Variants in VAV2 observed in about 807,000 individuals in gnomAD.
The protein encoded by VAV2 is vav guanine nucleotide exchange factor 2, also known as guanine nucleotide exchange factor VAV2.
VAV2 carries 67 observed loss-of-function variants against 132.5 expected under a neutral mutation model. The ratio of observed to expected loss-of-function variants is 0.51; its 90% CI spans 0.42 to 0.62. The LOEUF is 0.62. VAV2 is among the 20% of genes least tolerant of loss of function. VAV2 has a pLI of 0.00. For missense variants in VAV2, 938 were observed against 1,153.6 expected (o/e 0.81, Z 2.71); for synonymous variants, 492 against 443.5 (o/e 1.11, Z -1.37).
chr9:133,908,847 G>C (rs1839772962), intron 2 of VAV2, among the ~76,000 whole-genome samples: 1 of 152,236 alleles, frequency 6.6e-6, no homozygotes, highest in Admixed American at 6.5e-5. Flanking sequence ...AGCCCCTGCA[G>C]TTCTGAAAAT....
At chr9:133,777,223 C>G (rs1337471749) in intron 23 of VAV2, among the ~76,000 whole-genome samples, 166 bp downstream of exon 23, 2 of 152,166 alleles carry the variant, frequency 1.3e-5, no homozygotes, top group African/African-American at 4.8e-5. Context: ...CACAGCCCCC[C>G]ACCCATCTTC....
At chr9:133,895,025 G>C (rs1839140845) in intron 2 of VAV2, among the ~76,000 whole-genome samples, 1 of 151,930 alleles carries the variant, frequency 6.6e-6, no homozygotes, top group African/African-American at 2.4e-5. Flanking sequence ...GATCGCGTGG[G>C]GGGCGTCCGG....
intron 4 of VAV2, among the ~76,000 whole-genome samples, chr9:133,812,739 T>A (rs994918731): frequency 6.6e-6 from 1 of 152,182 alleles, no homozygotes; most frequent in Non-Finnish European, 1.5e-5. Context: ...GAGTTTGTCA[T>A]TTGCCTTCTG....
rs1369730887 is a variant in VAV2 at position 133,769,336 on chromosome 9, G to A, written c.2434+81C>T. 43 of 1,426,724 alleles carry A rather than the reference G, an allele frequency of 3.0e-5. No individual in the cohort carries two copies. In the Admixed American group the frequency reaches 8.1e-4, roughly 27 times the overall value. 88.4% of individuals were successfully genotyped at this position (1,426,724 alleles called of 1,614,324 possible). A position where few individuals can be genotyped will look rare whatever the true frequency, so the allele number is the denominator to read the frequency against. ...TGGCCACGTCAGGCAGGGCTGTGGG[G>A]CCAGTGGGCAGCTCCGTGCTGGGTC... is the stretch of plus-strand genomic sequence containing the variant. On this transcript the variant is annotated intron_variant, in intron 28 of 29. Transcript: ENST00000371850. The surrounding 1 kb of genome is among the most constrained non-coding windows in gnomAD (Gnocchi z 8.1).
At chr9:133,850,457 A>G (rs1260433951) in intron 3 of VAV2, among the ~76,000 whole-genome samples, 1 of 152,200 alleles carries the variant, frequency 6.6e-6, no homozygotes, top group East Asian at 1.9e-4. Flanking sequence ...ACAAGGCACC[A>G]ATAGAATGAG....
intron 2 of VAV2, among the ~76,000 whole-genome samples, chr9:133,916,412 C>T (rs58213861): frequency 0.07 from 10,624 of 152,236 alleles, 1,226 homozygotes; most frequent in African/African-American, 0.24. Context: ...TGGTGGGTGC[C>T]AACGAGGGCC....
chr9:133,950,511 G>A (rs897768005), intron 1 of VAV2, among the ~76,000 whole-genome samples: 12 of 152,282 alleles, frequency 7.9e-5, no homozygotes, highest in Non-Finnish European at 1.8e-4. Flanking sequence ...AAGCCAAGGC[G>A]GGGGGTATAA....
chr9:133,790,714 A>T (rs1834420821), intron 13 of VAV2, among the ~76,000 whole-genome samples: 1 of 152,058 alleles, frequency 6.6e-6, no homozygotes, highest in Non-Finnish European at 1.5e-5. Flanking sequence ...GGGCAGTATC[A>T]TAATGCCCTT....
In VAV2 at chr9:133,843,382, T is replaced by C. The variant is rs74491113; in HGVS notation, c.381-9042A>G. Among the ~76,000 whole-genome samples the C allele has an allele frequency of 8.7e-3, 1,331 of 152,288 alleles. 16 individuals are homozygous for C. Among genetic ancestry groups the C allele is most frequent in the African/African-American group, 0.031 (1,268 of 41,542 alleles). ...GACTTTGTTTGGGTTTTTTTGGTAT[T>C]TTTTTGTAGAGATGGGGTCTTGCTA... On this transcript the variant is annotated intron_variant, in intron 3 of 29. Coordinates refer to ENST00000371850, the MANE Select transcript of VAV2 (RefSeq NM_001134398.2).
rs1206334112 is a variant in VAV2, at chr9:133,795,731, A to C, written c.1038T>G (p.Leu346=). Residue 346 remains leucine, a synonymous_variant, in exon 12 of 30, where the codon CTT becomes CTG. Transcript: ENST00000371850. ...VLKYHLLLKE[L]LSHSAERPER... Reference sequence around the variant, plus strand: ...CAGGCCGTTCCGCAGAATGGCTCAGAAGCTCCTGGAAGGGTGAGAAGAGTG... The same window carrying C: ...CAGGCCGTTCCGCAGAATGGCTCAGCAGCTCCTGGAAGGGTGAGAAGAGTG... 4 of 1,613,830 alleles carry C rather than the reference A, an allele frequency of 2.5e-6. No individual in the cohort carries two copies. Among genetic ancestry groups the C allele is most frequent in the Non-Finnish European group, 3.4e-6 (4 of 1,179,748 alleles).
At chr9:133,938,402 C>T (rs1026015361) in intron 2 of VAV2, among the ~76,000 whole-genome samples, 3 of 152,162 alleles carry the variant, frequency 2.0e-5, no homozygotes, top group Non-Finnish European at 2.9e-5. Flanking sequence ...GTGGCCCCTG[C>T]GTCCCTCTGT....
At chr9:133,854,261 A>ACG (rs1837303672) in intron 3 of VAV2, among the ~76,000 whole-genome samples, 1 of 145,414 alleles carries the variant, frequency 6.9e-6, no homozygotes, top group African/African-American at 2.7e-5. Context: ...ATCTGCACAC[A>ACG]CACACGCACA....
intron 1 of VAV2, among the ~76,000 whole-genome samples, chr9:133,948,200 GATT>G (rs1037050418): frequency 5.3e-5 from 8 of 152,240 alleles, no homozygotes; most frequent in Non-Finnish European, 7.3e-5. Context: ...CTCAGCCAGG[GATT>G]GATTGAGGAG....
At chr9:133,839,671 A>C (rs544862445) in intron 3 of VAV2, among the ~76,000 whole-genome samples, 1 of 152,152 alleles carries the variant, frequency 6.6e-6, no homozygotes, top group East Asian at 1.9e-4. Flanking sequence ...TGCTGGTCTC[A>C]AACTCCTGAC....
chr9:133,850,903 C>T (rs1271048164), intron 3 of VAV2, among the ~76,000 whole-genome samples: 1 of 152,210 alleles, frequency 6.6e-6, no homozygotes, highest in Non-Finnish European at 1.5e-5. Flanking sequence ...ACCCTGCTGT[C>T]GACTGGCACA....
chr9:133,920,243 C>T (rs947780063), intron 2 of VAV2, among the ~76,000 whole-genome samples: 6 of 152,228 alleles, frequency 3.9e-5, no homozygotes, highest in Non-Finnish European at 7.3e-5. Flanking sequence ...GAGAGAGAGT[C>T]CGGGCTCTGC....
chr9:133,916,354 G>A (rs1273744570), intron 2 of VAV2, among the ~76,000 whole-genome samples: 1 of 152,256 alleles, frequency 6.6e-6, no homozygotes, highest in Non-Finnish European at 1.5e-5. Context: ...TGATTCACTT[G>A]GAAAGTTTCT....
At chr9:133,982,790 CG>C (rs1362125191) in intron 1 of VAV2, among the ~76,000 whole-genome samples, 2 of 152,162 alleles carry the variant, frequency 1.3e-5, no homozygotes, top group East Asian at 3.8e-4. Flanking sequence ...GTGGGGGAAG[CG>C]TAAGAGTAAT....
At chr9:133,807,617 G>C (rs1055435776) in intron 7 of VAV2, among the ~76,000 whole-genome samples, 1 of 152,230 alleles carries the variant, frequency 6.6e-6, no homozygotes, top group Admixed American at 6.5e-5. Context: ...CCTGAGGTGG[G>C]CGTTGGGGTT....
Sources: allele counts gnomAD v4.1 joint callset (sites outside exome capture counted in the v4.1 genomes callset), GRCh38; gene constraint gnomAD v4.1.1; non-coding constraint Gnocchi (gnomAD v3.1); transcripts MANE v1.5; gene names NCBI Gene and HGNC (gene_info 2026-07-23, HGNC 2026-07-21).